ANGPT1: variants seen among roughly 807,000 people sequenced by gnomAD.
ANGPT1 encodes angiopoietin-1.
In ANGPT1, 17 loss-of-function variants were observed where a neutral mutation model predicts 62.2. The observed-to-expected ratio is 0.27, with a 90% CI of 0.19 to 0.41. The LOEUF (loss-of-function observed/expected upper bound fraction) is 0.41, where lower values mean the gene tolerates loss of function less well. Among genes scored for constraint, ANGPT1 ranks in the 10% least tolerant of loss-of-function variants. The pLI is 1.00. For synonymous variants in ANGPT1, 199 were observed against 198.9 expected (o/e 1.00, Z 0.00); for missense variants, 478 against 594.9 (o/e 0.80, Z 2.04).
At chr8:107,280,321 G>A (rs905594433) in intron 7 of ANGPT1, among the ~76,000 whole-genome samples, 3 of 151,820 alleles carry the variant, frequency 2.0e-5, no homozygotes, top group East Asian at 1.9e-4. Flanking sequence ...TTGTCTCAGC[G>A]TCCCGAGCAG....
intron 1 of ANGPT1, among the ~76,000 whole-genome samples, chr8:107,409,342 T>C (rs1817212594): frequency 1.3e-5 from 2 of 152,190 alleles, no homozygotes; most frequent in East Asian, 1.9e-4. Flanking sequence ...TCAGACTTTC[T>C]TACTGCAGCT....
chr8:107,280,514 G>A (rs1397323185), intron 7 of ANGPT1, among the ~76,000 whole-genome samples: 1 of 152,148 alleles, frequency 6.6e-6, no homozygotes, highest in African/African-American at 2.4e-5. Context: ...TAGGTATCAG[G>A]GAAGACTTGG....
chr8:107,493,978 T>C (rs1813030652), intron 1 of ANGPT1, among the ~76,000 whole-genome samples: 1 of 150,538 alleles, frequency 6.6e-6, no homozygotes, highest in African/African-American at 2.5e-5. Context: ...GTAAAATCTT[T>C]GTATTTCTTA....
At chr8:107,323,099 A>G (rs983420415) in intron 3 of ANGPT1, among the ~76,000 whole-genome samples, 1 of 152,184 alleles carries the variant, frequency 6.6e-6, no homozygotes, top group Admixed American at 6.5e-5. Flanking sequence ...AGAGTGTTGA[A>G]ATCTTTAACT....
intron 5 of ANGPT1, chr8:107,294,299 C>T (rs1010263486): frequency 1.0e-5 from 3 of 294,600 alleles, no homozygotes; most frequent in Admixed American, 5.1e-5. Flanking sequence ...GTCTTTGTCT[C>T]AGACTATACA....
rs1458157685 is a variant in ANGPT1, at chr8:107,249,899, C to G, written c.*1956G>C. On this transcript the variant is annotated 3_prime_UTR_variant, in exon 9 of 9. Coordinates refer to ENST00000517746, the MANE Select transcript of ANGPT1 (RefSeq NM_001146.5). ...TCATTTTCTTTCCCTTAAATGAAAA[C>G]AGTTGAGAAGTTTTTAGAAGGAGAG... The G allele has an allele frequency of 6.6e-6, 1 of 151,878 alleles. No homozygotes were observed. The highest frequency in any genetic ancestry group is 2.4e-5 in the African/African-American group (1 of 41,254). The allele number at this position is 151,878 out of a possible 1,614,324, so 9.4% of individuals were successfully genotyped here. A position where few individuals can be genotyped will look rare whatever the true frequency, so the allele number is the denominator to read the frequency against.
chr8:107,420,548 G>A (rs1198766938), intron 1 of ANGPT1, among the ~76,000 whole-genome samples: 3 of 152,130 alleles, frequency 2.0e-5, no homozygotes, highest in African/African-American at 7.2e-5. Context: ...GATAGAACAA[G>A]TCGTTAAAGT....
At chr8:107,260,470 G>C (rs977386703) in intron 8 of ANGPT1, among the ~76,000 whole-genome samples, 2 of 64,642 alleles carry the variant, frequency 3.1e-5, no homozygotes, top group Admixed American at 1.8e-4. Context: ...CAAATACTAA[G>C]TTTAAAAAGA....
chr8:107,410,573 T>C (rs1026141103), intron 1 of ANGPT1, among the ~76,000 whole-genome samples: 1 of 152,178 alleles, frequency 6.6e-6, no homozygotes, highest in African/African-American at 2.4e-5. Context: ...AGCTAGGTTA[T>C]TTCTGACCTC....
rs572353032 is a variant in ANGPT1 at position 107,304,076 on chromosome 8, C to G, written c.809-709G>C. On this transcript the variant is annotated intron_variant, in intron 4 of 8. Coordinates refer to ENST00000517746, the MANE Select transcript of ANGPT1 (RefSeq NM_001146.5). ...AAGTTAAATCATCAGGCAGATGATA[C>G]ACAAATAAAAGAACAAACAAATAAG... 3.0e-4 allele frequency among the ~76,000 whole-genome samples: 46 copies of G among 151,828 alleles called. No individual in the cohort carries two copies. The South Asian group carries it at 9.5e-3, about 32-fold the overall frequency.
At chr8:107,367,171 C>T (rs1451219043) in intron 1 of ANGPT1, among the ~76,000 whole-genome samples, 1 of 152,144 alleles carries the variant, frequency 6.6e-6, no homozygotes, top group African/African-American at 2.4e-5. Context: ...GGTTCCAGAC[C>T]ACCACAATAA....
chr8:107,327,513 T>C (rs1815317379), intron 3 of ANGPT1, among the ~76,000 whole-genome samples: 1 of 152,154 alleles, frequency 6.6e-6, no homozygotes, highest in Non-Finnish European at 1.5e-5. Flanking sequence ...TCCTAGAGCA[T>C]ATTCAGTATG....
At chr8:107,299,602 A>G (rs1016286565) in intron 5 of ANGPT1, among the ~76,000 whole-genome samples, 45 of 140,840 alleles carry the variant, frequency 3.2e-4, no homozygotes, top group Admixed American at 5.8e-4. Context: ...CAGCAGATAT[A>G]TAGGTATATT....
At chr8:107,323,444 C>G (rs1053675380) in intron 3 of ANGPT1, among the ~76,000 whole-genome samples, 2 of 152,070 alleles carry the variant, frequency 1.3e-5, no homozygotes, top group Non-Finnish European at 2.9e-5. Context: ...GTTTTAGATT[C>G]AATACTTAAA....
intron 1 of ANGPT1, among the ~76,000 whole-genome samples, chr8:107,439,882 T>C (rs1363756125): frequency 6.6e-6 from 1 of 151,898 alleles, no homozygotes; most frequent in Non-Finnish European, 1.5e-5. Flanking sequence ...AATTCAGAAG[T>C]AGAGGAAGAA....
chr8:107,346,824 A>G (rs1815813938), intron 2 of ANGPT1, 118 bp downstream of exon 2: 1 of 943,966 alleles, frequency 1.1e-6, no homozygotes, highest in African/African-American at 1.6e-5. Flanking sequence ...TTACCAATAA[A>G]CAAAAATGTA....
chr8:107,488,935 A>C (rs559928240), intron 1 of ANGPT1, among the ~76,000 whole-genome samples: 19 of 152,326 alleles, frequency 1.2e-4, no homozygotes, highest in Admixed American at 1.2e-3. Flanking sequence ...TTAGAGAAGA[A>C]CTATAATTTG....
intron 6 of ANGPT1, among the ~76,000 whole-genome samples, chr8:107,287,236 A>G (rs1586189543): frequency 1.3e-5 from 2 of 152,138 alleles, no homozygotes; most frequent in South Asian, 2.1e-4. Flanking sequence ...CAACTTCCCC[A>G]GGGAAACACG....
At chr8:107,277,130 T>C (rs1236035667) in intron 7 of ANGPT1, among the ~76,000 whole-genome samples, 1 of 152,196 alleles carries the variant, frequency 6.6e-6, no homozygotes, top group Non-Finnish European at 1.5e-5. Context: ...CATTCGGACT[T>C]AACTAATACT....
Sources: gnomAD v4.1 joint callset for allele counts (sites outside exome capture counted in the v4.1 genomes callset) on GRCh38, gnomAD v4.1.1 for gene constraint, MANE v1.5 for transcripts, NCBI Gene and HGNC (gene_info 2026-07-23, HGNC 2026-07-21) for gene names.